Variants in STAM2 observed in about 807,000 individuals in gnomAD.
STAM2 encodes signal transducing adaptor molecule 2.
STAM2 carries 51 observed loss-of-function variants against 65.6 expected under a neutral mutation model. The ratio of observed to expected loss-of-function variants is 0.78; its 90% confidence interval spans 0.62 to 0.98. The LOEUF (loss-of-function observed/expected upper bound fraction) is 0.98, where lower values mean the gene tolerates loss of function less well. STAM2 is among the 50% of genes least tolerant of loss of function. The pLI is 0.00. For synonymous variants in STAM2, 198 were observed against 208.4 expected, an observed-to-expected ratio of 0.95 and a Z score of 0.43; for missense variants, 584 against 617.8, an observed-to-expected ratio of 0.95 and a Z score of 0.58.
intron 1 of STAM2, among the ~76,000 whole-genome samples, chr2:152,154,890 AGCAAACT>A (rs1217661217): frequency 1.3e-5 from 2 of 152,220 alleles, no homozygotes; most frequent in Non-Finnish European, 2.9e-5. Flanking sequence ...AAAAGTTATC[AGCAAACT>A]GGTTCTAAAT....
chr2:152,146,664 TTCTC>T (rs957218257), intron 5 of STAM2, among the ~76,000 whole-genome samples: 6 of 152,218 alleles, frequency 3.9e-5, no homozygotes, highest in Admixed American at 1.3e-4. Flanking sequence ...ACTTCTTCAC[TTCTC>T]TCTAACAAAA....
At chr2:152,153,132 A>G (rs192279731) in intron 1 of STAM2, among the ~76,000 whole-genome samples, 3 of 152,052 alleles carry the variant, frequency 2.0e-5, no homozygotes, top group African/African-American at 4.8e-5. Context: ...TACTTTATTA[A>G]CTTTTACAAA....
chr2:152,169,018 A>T (rs765489931), intron 1 of STAM2, among the ~76,000 whole-genome samples: 19 of 152,236 alleles, frequency 1.2e-4, no homozygotes, highest in Non-Finnish European at 1.9e-4. Context: ...AGGGTGGAGA[A>T]GGGTTTCTTT....
At chr2:152,175,049 T>G (rs983872264) in intron 1 of STAM2, among the ~76,000 whole-genome samples, 6 of 152,208 alleles carry the variant, frequency 3.9e-5, no homozygotes, top group Non-Finnish European at 2.9e-5. Context: ...AATCCGGGGA[T>G]GAAGAGCAAC....
At chr2:152,144,730 G>T in intron 6 of STAM2, 158 bp downstream of exon 6, 1 of 544,696 alleles carries the variant, frequency 1.8e-6, no homozygotes, top group Non-Finnish European at 3.3e-6. Context: ...GTAGAGATGG[G>T]GTTTCACCTT....
At chr2:152,147,923 T>C in intron 4 of STAM2, 101 bp downstream of exon 4, 2 of 885,128 alleles carry the variant, frequency 2.3e-6, no homozygotes, top group Admixed American at 5.3e-5. Context: ...GATCTAAAAA[T>C]GACTTCATTT....
At chr2:152,129,624 C>A (rs1473137453) in intron 11 of STAM2, among the ~76,000 whole-genome samples, 2 of 152,190 alleles carry the variant, frequency 1.3e-5, no homozygotes, top group Non-Finnish European at 2.9e-5. Flanking sequence ...TGGACATACA[C>A]TCAGCCCTCC....
At chr2:152,128,398 G>T (rs1689000744) in intron 11 of STAM2, among the ~76,000 whole-genome samples, 1 of 151,622 alleles carries the variant, frequency 6.6e-6, no homozygotes, top group Non-Finnish European at 1.5e-5. Flanking sequence ...GGGCAACAGA[G>T]CGAGACTCTG....
At chr2:152,171,009 T>C (rs761268552) in intron 1 of STAM2, among the ~76,000 whole-genome samples, 9 of 152,086 alleles carry the variant, frequency 5.9e-5, no homozygotes, top group Non-Finnish European at 1.3e-4. Context: ...AAAGAAGAAA[T>C]GCTGGATGAC....
chr2:152,133,468 CAAT>C lies in STAM2; in HGVS notation c.813_815del (p.Leu272del), dbSNP rs1553845296. 1 of 1,612,478 alleles carries C rather than the reference CAAT, an allele frequency of 6.2e-7. No individual in the cohort carries two copies. The highest frequency in any genetic ancestry group is 8.5e-7 in the Non-Finnish European group (1 of 1,179,128). On this transcript the variant is annotated inframe_deletion, in exon 9 of 14. Coordinates refer to ENST00000263904, the MANE Select transcript of STAM2 (RefSeq NM_005843.6). ...CCTCCACATCATCATCAATTACATTCAATTTGTCCACAGCCGCTATAGAAACAA... is the reference window on the plus strand; with the variant it reads ...CCTCCACATCATCATCAATTACATTCTTGTCCACAGCCGCTATAGAAACAA...
intron 7 of STAM2, among the ~76,000 whole-genome samples, chr2:152,138,746 C>T (rs1194988025): frequency 6.6e-6 from 1 of 152,176 alleles, no homozygotes; most frequent in South Asian, 2.1e-4. Flanking sequence ...GATATCATAT[C>T]TGCAAATATC....
chr2:152,120,682 A>G lies in STAM2; in HGVS notation c.1470T>C (p.Tyr490=), dbSNP rs148514064. Residue 490 remains tyrosine, a synonymous_variant, in exon 14 of 14, where the codon TAT becomes TAC. Coordinates refer to ENST00000263904, the MANE Select transcript of STAM2 (RefSeq NM_005843.6). ...QMGMSVDMSS[Y]QNTTSNLPQL... is the part of the protein sequence containing the mutation. ...GAGGCAAATTGGAAGTAGTGTTCTG[A>G]TAAGATGACATATCCACAGACATCC... 34 of 1,614,042 alleles carry G rather than the reference A, an allele frequency of 2.1e-5. No homozygotes were observed. The highest frequency in any genetic ancestry group is 2.8e-5 in the Non-Finnish European group (33 of 1,180,030).
intron 11 of STAM2, among the ~76,000 whole-genome samples, chr2:152,127,755 A>G (rs1045971374): frequency 2.0e-5 from 3 of 152,250 alleles, no homozygotes; most frequent in Non-Finnish European, 2.9e-5. Context: ...AAATAAAAGC[A>G]TCTTCAAATT....
chr2:152,117,078 A>C lies in STAM2; in HGVS notation c.*3496T>G, dbSNP rs1688761238. 6.6e-6 allele frequency: 1 copy of C among 152,184 alleles called. No homozygotes were observed. Among genetic ancestry groups the C allele is most frequent in the Non-Finnish European group, 1.5e-5 (1 of 68,038 alleles). The allele number at this position is 152,184 out of a possible 1,614,324, so 9.4% of individuals were successfully genotyped here. On this transcript the variant is annotated 3_prime_UTR_variant, in exon 14 of 14. Coordinates refer to ENST00000263904, the MANE Select transcript of STAM2 (RefSeq NM_005843.6). ...CATGAAATTTGGAGGGACACTATTC[A>C]CTATATCACACAAGCAACATAATGC... is the stretch of plus-strand genomic sequence containing the variant.
chr2:152,161,494 TAAAA>T (rs10714838), intron 1 of STAM2, among the ~76,000 whole-genome samples: 2 of 103,580 alleles, frequency 1.9e-5, no homozygotes, highest in African/African-American at 7.1e-5. Flanking sequence ...GAATGATCAA[TAAAA>T]AAAAAAAAAA....
chr2:152,164,124 C>T (rs758274173), intron 1 of STAM2, among the ~76,000 whole-genome samples: 21 of 152,162 alleles, frequency 1.4e-4, no homozygotes, highest in Non-Finnish European at 2.4e-4. Context: ...TACGGACCTA[C>T]GGCCCGTAAT....
rs1689415319 is a variant in STAM2 at position 152,150,180 on chromosome 2, CATA to C, written c.87_89del (p.Ile29del). The stretch of plus-strand genomic sequence containing the variant: ...TACTTCCAACTTTGTCACATATGTC[CATA>C]ATAAGACTCCAATCTTCTGTAGTGT... On this transcript the variant is annotated inframe_deletion, in exon 2 of 14. Transcript: ENST00000263904. The C allele has an allele frequency of 1.9e-6, 3 of 1,613,550 alleles. No homozygotes were observed. The highest frequency in any genetic ancestry group is 2.7e-5 in the African/African-American group (2 of 75,024).
intron 11 of STAM2, among the ~76,000 whole-genome samples, chr2:152,131,129 T>C (rs1689054225): frequency 6.6e-6 from 1 of 152,088 alleles, no homozygotes. Flanking sequence ...GAAATTTCAT[T>C]TAAAATTTTT....
intron 13 of STAM2, among the ~76,000 whole-genome samples, chr2:152,122,013 AC>A (rs1560208218): frequency 6.7e-6 from 1 of 150,334 alleles, no homozygotes; most frequent in Non-Finnish European, 1.5e-5. Context: ...ATGCTGCTGC[AC>A]TCCAGCCTGG....
Sources: allele counts gnomAD v4.1 joint callset (sites outside exome capture counted in the v4.1 genomes callset), GRCh38; gene constraint gnomAD v4.1.1; transcripts MANE v1.5; gene names NCBI Gene and HGNC (gene_info 2026-07-23, HGNC 2026-07-21).